ERICH1: variants seen among roughly 807,000 people sequenced by gnomAD.
ERICH1 encodes glutamate-rich protein 1.
A neutral mutation model predicts 39.6 loss-of-function variants in ERICH1; 56 were observed. That is an observed-to-expected ratio of 1.41 (90% CI 1.14 to 1.77). The LOEUF is 1.77. ERICH1 is among the 40% of genes most tolerant of loss of function. The pLI is 0.00. For synonymous variants in ERICH1, 313 were observed against 223.6 expected (o/e 1.40, Z -3.57); for missense variants, 826 against 575.4 (o/e 1.44, Z -4.45).
At chr8:667,354 T>C (rs1703881) in intron 5 of ERICH1, 142,917 of 153,608 alleles carry the variant, frequency 0.93, 66,664 homozygotes, top group East Asian at 1. Context: ...CTCCTCGCAG[T>C]TCCCAAACAC....
rs755651574 is a variant in ERICH1 at position 673,914 on chromosome 8, T to C, written c.438A>G (p.Lys146=). The C allele has an allele frequency of 3.1e-6, 5 of 1,613,518 alleles. No individual in the cohort carries two copies. Among genetic ancestry groups the C allele is most frequent in the Admixed American group, 1.7e-5 (1 of 59,976 alleles). The change falls in exon 4 of 6, where the codon AAA becomes AAG. Residue 146 remains lysine (K), a synonymous_variant. Coordinates refer to ENST00000262109, the MANE Select transcript of ERICH1 (RefSeq NM_207332.3). ...LEKQQSLLQE[K]SQRQHTDGTT... is the part of the protein sequence containing the mutation. ...TGCCATCTGTGTGCTGTCGCTGAGA[T>C]TTCTCCTGTAACAGACTCTGCTGTT... is the stretch of plus-strand genomic sequence containing the variant.
chr8:670,802 A>G (rs983876140), intron 4 of ERICH1, among the ~76,000 whole-genome samples: 5 of 151,656 alleles, frequency 3.3e-5, no homozygotes, highest in Admixed American at 1.3e-4. Flanking sequence ...CCCAGGTCCA[A>G]CATCTGAGCT....
intron 1 of ERICH1, among the ~76,000 whole-genome samples, chr8:727,832 G>A (rs1003401279): frequency 6.6e-6 from 1 of 152,226 alleles, no homozygotes; most frequent in African/African-American, 2.4e-5. Context: ...GGAAACTGCA[G>A]GACAAGGAGT....
rs973094383 is a variant in ERICH1, at chr8:664,464, C to T, written c.*139G>A. The T allele has an allele frequency of 7.0e-6, 9 of 1,278,896 alleles. No individual in the cohort carries two copies. Among genetic ancestry groups the T allele is most frequent in the Non-Finnish European group, 7.9e-6 (8 of 1,010,402 alleles). 79.2% of individuals were successfully genotyped at this position (1,278,896 alleles called of 1,614,324 possible). A position where few individuals can be genotyped will look rare whatever the true frequency, so the allele number is the denominator to read the frequency against. ...CTGAAGCCTCAGATGGCATCTTGCC[C>T]ACCAGGAACAAACACGTGAATAAAT... On this transcript the variant is annotated 3_prime_UTR_variant, in exon 6 of 6. Coordinates refer to ENST00000262109, the MANE Select transcript of ERICH1 (RefSeq NM_207332.3).
At chr8:698,156 G>C (rs914071099) in intron 2 of ERICH1, among the ~76,000 whole-genome samples, 1 of 152,096 alleles carries the variant, frequency 6.6e-6, no homozygotes, top group African/African-American at 2.4e-5. Flanking sequence ...AAGACAGAAC[G>C]CTTTAGTATT....
In ERICH1 at chr8:668,761, G is replaced by A. The variant is rs768590634; in HGVS notation, c.1095C>T (p.Leu365=). The A allele has an allele frequency of 1.6e-5, 25 of 1,611,772 alleles. No individual in the cohort carries two copies. Among genetic ancestry groups the A allele is most frequent in the Non-Finnish European group, 1.9e-5 (22 of 1,178,642 alleles). The change falls in exon 5 of 6, where the codon CTC becomes CTT. Residue 365 remains leucine, a synonymous_variant. Coordinates refer to ENST00000262109, the MANE Select transcript of ERICH1 (RefSeq NM_207332.3). ...CCAGCAGCTCCTCAGCGGCATCTGC[G>A]AGGGCAGCTGAAGCTGCATCTCTGG... ...GVSRDAASAA[L]ADAAEELLDR...
intron 3 of ERICH1, among the ~76,000 whole-genome samples, chr8:685,130 C>T (rs1466305723): frequency 3.3e-5 from 5 of 152,228 alleles, no homozygotes; most frequent in Admixed American, 3.3e-4. Context: ...ATAAGGCAGA[C>T]ACCCCCAGAG....
chr8:729,205 C>T (rs901742980), intron 1 of ERICH1, among the ~76,000 whole-genome samples: 6 of 152,218 alleles, frequency 3.9e-5, no homozygotes, highest in Non-Finnish European at 7.3e-5. Flanking sequence ...GGTGAATAAA[C>T]GACGCCAAGT....
chr8:668,846 C>G, intron 4 of ERICH1, 54 bp from the exon 5 acceptor site: 1 of 1,496,074 alleles, frequency 6.7e-7, no homozygotes, highest in Admixed American at 2.1e-5. Context: ...TTTCTATAAA[C>G]TAAAGATAAG....
intron 4 of ERICH1, chr8:672,021 C>A (rs1458270567): frequency 1.3e-5 from 2 of 153,232 alleles, no homozygotes; most frequent in African/African-American, 4.8e-5. Context: ...CGCCCACACA[C>A]AGGACTTGCA....
intron 3 of ERICH1, among the ~76,000 whole-genome samples, chr8:676,961 C>G (rs539561716): frequency 6.6e-6 from 1 of 152,226 alleles, no homozygotes; most frequent in African/African-American, 2.4e-5. Flanking sequence ...AGCGCTTTCC[C>G]TTCACCTCTG....
intron 2 of ERICH1, among the ~76,000 whole-genome samples, chr8:708,685 T>G (rs1166245644): frequency 2.1e-5 from 1 of 47,180 alleles, no homozygotes; most frequent in Non-Finnish European, 4.6e-5. Flanking sequence ...TAATGAGTTT[T>G]TTTTTTTTTT....
chr8:710,756 A>T (rs1814549819), intron 2 of ERICH1, among the ~76,000 whole-genome samples: 1 of 152,172 alleles, frequency 6.6e-6, no homozygotes. Context: ...ATGTACCACA[A>T]TTTGCTTATT....
intron 3 of ERICH1, among the ~76,000 whole-genome samples, chr8:692,143 C>G (rs1809037013): frequency 6.6e-6 from 1 of 152,116 alleles, no homozygotes; most frequent in South Asian, 2.1e-4. Flanking sequence ...TTTGCTAAAC[C>G]AAGACAAGTA....
At position 715,935 on chromosome 8, in the gene ERICH1, G is replaced by A. The variant is rs143519968; in HGVS notation, c.95C>T (p.Thr32Met). The A allele has an allele frequency of 2.2e-5, 36 of 1,614,006 alleles. No individual in the cohort carries two copies. The highest frequency in any genetic ancestry group is 6.7e-5 in the African/African-American group (5 of 75,050). Residue 32 changes from threonine to methionine, a missense_variant, in exon 2 of 6, where the codon ACG (threonine) becomes ATG (methionine). Coordinates refer to ENST00000262109, the MANE Select transcript of ERICH1 (RefSeq NM_207332.3). ...PSGQGKREPQ[T>M]LAVQNPPKKV... is the part of the protein sequence containing the mutation. ...CTTTGGTGGATTTTGGACGGCCAGC[G>A]TCTGGGGTTCCCTCTTTCCTTGGCC...
intron 3 of ERICH1, among the ~76,000 whole-genome samples, chr8:629,212 T>C (rs112618916): frequency 3.9e-5 from 6 of 152,270 alleles, no homozygotes; most frequent in South Asian, 4.2e-4. Flanking sequence ...CAGGGCTTTA[T>C]AGTGGCAACA....
chr8:715,803 T>G, intron 2 of ERICH1, 58 bp downstream of exon 2: 1 of 1,560,938 alleles, frequency 6.4e-7, no homozygotes, highest in Non-Finnish European at 8.7e-7. Context: ...AGGCAAGTGA[T>G]GATGACGGAG....
chr8:692,137 C>T (rs1446855982), intron 3 of ERICH1, among the ~76,000 whole-genome samples: 1 of 152,132 alleles, frequency 6.6e-6, no homozygotes, highest in African/African-American at 2.4e-5. Flanking sequence ...TAATATTTTG[C>T]TAAACCAAGA....
At chr8:684,510 GA>G (rs1806857192) in intron 3 of ERICH1, among the ~76,000 whole-genome samples, 1 of 152,152 alleles carries the variant, frequency 6.6e-6, no homozygotes, top group Non-Finnish European at 1.5e-5. Flanking sequence ...TTTTTGAGTT[GA>G]AAACTTAACT....
Sources: allele counts gnomAD v4.1 joint callset (sites outside exome capture counted in the v4.1 genomes callset), GRCh38; gene constraint gnomAD v4.1.1; transcripts MANE v1.5; gene names NCBI Gene and HGNC (gene_info 2026-07-23, HGNC 2026-07-21).